Variants in PXDNL observed in about 807,000 individuals in gnomAD.
PXDNL encodes probable oxidoreductase PXDNL.
Under a neutral mutation model 150.8 loss-of-function variants are expected in PXDNL, and 145 were observed. The observed-to-expected ratio is 0.96, with a 90% confidence interval of 0.84 to 1.10. PXDNL has a LOEUF of 1.10. Among genes scored for constraint, PXDNL ranks in the 50% least tolerant of loss-of-function variants. PXDNL has a pLI of 0.00. For missense variants in PXDNL, 2,087 were observed against 1,873.9 expected (o/e 1.11, Z -2.10); for synonymous variants, 757 against 725.7 (o/e 1.04, Z -0.69).
chr8:51,639,892 C>T (rs984193661), intron 2 of PXDNL, among the ~76,000 whole-genome samples: 2 of 151,976 alleles, frequency 1.3e-5, no homozygotes, highest in African/African-American at 2.4e-5. Flanking sequence ...CAGGAAGAGA[C>T]GCAACCAAAA....
At chr8:51,424,039 A>G (rs898338803) in intron 13 of PXDNL, among the ~76,000 whole-genome samples, 2 of 152,226 alleles carry the variant, frequency 1.3e-5, no homozygotes, top group Non-Finnish European at 2.9e-5. Flanking sequence ...CAATTGATTC[A>G]TATATTGCTT....
intron 1 of PXDNL, among the ~76,000 whole-genome samples, chr8:51,692,809 C>T (rs1002581789): frequency 4.6e-5 from 7 of 152,198 alleles, no homozygotes; most frequent in Non-Finnish European, 1.5e-5. Context: ...TTTGCTTTAA[C>T]AAACAAGTAA....
intron 2 of PXDNL, among the ~76,000 whole-genome samples, chr8:51,645,909 T>C (rs1219574196): frequency 6.6e-6 from 1 of 152,000 alleles, no homozygotes; most frequent in African/African-American, 2.4e-5. Flanking sequence ...CATGCTCACC[T>C]TGAAGGTGAG....
At chr8:51,442,074 C>T (rs1489054343) in intron 12 of PXDNL, among the ~76,000 whole-genome samples, 2 of 151,970 alleles carry the variant, frequency 1.3e-5, no homozygotes, top group Non-Finnish European at 2.9e-5. Flanking sequence ...AGAACAAAAC[C>T]CATGTGACAT....
chr8:51,606,376 C>A (rs1280953580), intron 2 of PXDNL, among the ~76,000 whole-genome samples: 1 of 152,180 alleles, frequency 6.6e-6, no homozygotes, highest in Non-Finnish European at 1.5e-5. Context: ...AGCAGTGGAT[C>A]CTTCATGTTC....
chr8:51,761,064 G>A (rs1467508188), intron 1 of PXDNL, among the ~76,000 whole-genome samples: 1 of 142,136 alleles, frequency 7.0e-6, no homozygotes, highest in Admixed American at 7.2e-5. Context: ...TAGTAGAGAC[G>A]GGGTTTCACC....
intron 2 of PXDNL, among the ~76,000 whole-genome samples, chr8:51,610,640 C>T (rs1177761537): frequency 6.6e-6 from 1 of 152,178 alleles, no homozygotes; most frequent in Non-Finnish European, 1.5e-5. Flanking sequence ...AGGCATGGCT[C>T]TGTTGCATCC....
At chr8:51,603,818 G>A (rs1326080620) in intron 2 of PXDNL, among the ~76,000 whole-genome samples, 1 of 152,040 alleles carries the variant, frequency 6.6e-6, no homozygotes, top group East Asian at 1.9e-4. Context: ...TAGTCAGGTT[G>A]GAAGAGAAAA....
chr8:51,374,496 G>T, intron 18 of PXDNL, 101 bp downstream of exon 18: 1 of 1,147,738 alleles, frequency 8.7e-7, no homozygotes, highest in Non-Finnish European at 1.3e-6. Flanking sequence ...TACTCAATAT[G>T]CATTAAATCA....
At chr8:51,444,792 T>C (rs1402930978) in intron 12 of PXDNL, among the ~76,000 whole-genome samples, 1 of 152,218 alleles carries the variant, frequency 6.6e-6, no homozygotes, top group Non-Finnish European at 1.5e-5. Flanking sequence ...ACTGTGATCC[T>C]AGTTTATAGA....
chr8:51,680,655 G>A (rs987498092), intron 1 of PXDNL, among the ~76,000 whole-genome samples: 19 of 152,192 alleles, frequency 1.2e-4, no homozygotes, highest in Admixed American at 3.3e-4. Context: ...ATCTCACGGA[G>A]GTGCGAGGCC....
chr8:51,392,314 A>T (rs531400898), intron 17 of PXDNL, among the ~76,000 whole-genome samples: 1 of 152,276 alleles, frequency 6.6e-6, no homozygotes, highest in Admixed American at 6.5e-5. Context: ...CGTTGAATCT[A>T]TAAATTACCT....
At chr8:51,663,698 A>C (rs573133890) in intron 1 of PXDNL, among the ~76,000 whole-genome samples, 1 of 152,142 alleles carries the variant, frequency 6.6e-6, no homozygotes, top group East Asian at 1.9e-4. Flanking sequence ...CATCTGCTAC[A>C]TACCTGGTTC....
At chr8:51,377,143 C>CACACACACACACACAA (rs966278135) in intron 17 of PXDNL, among the ~76,000 whole-genome samples, 11 of 149,364 alleles carry the variant, frequency 7.4e-5, no homozygotes, top group African/African-American at 2.8e-4. Context: ...CACACACACA[C>CACACACACACACACAA]AAAGCCAAAG....
chr8:51,598,198 T>A (rs1325097078), intron 2 of PXDNL, among the ~76,000 whole-genome samples: 1 of 152,180 alleles, frequency 6.6e-6, no homozygotes, highest in Non-Finnish European at 1.5e-5. Context: ...TAGTTTGACT[T>A]TTTTTCCTAT....
At chr8:51,490,316 G>T (rs1440360574) in intron 5 of PXDNL, among the ~76,000 whole-genome samples, 1 of 152,062 alleles carries the variant, frequency 6.6e-6, no homozygotes, top group African/African-American at 2.4e-5. Context: ...CAATAATTTA[G>T]TTAAAATGAT....
At chr8:51,790,946 T>C (rs1043991811) in intron 1 of PXDNL, among the ~76,000 whole-genome samples, 16 of 151,752 alleles carry the variant, frequency 1.1e-4, no homozygotes, top group Non-Finnish European at 2.2e-4. Flanking sequence ...CCAGAATCTT[T>C]TAGAATTTAC....
intron 12 of PXDNL, among the ~76,000 whole-genome samples, chr8:51,440,861 G>C (rs1809528480): frequency 6.6e-6 from 1 of 152,172 alleles, no homozygotes; most frequent in Non-Finnish European, 1.5e-5. Context: ...ATGAGGTGCA[G>C]AGGGCCAGCA....
chr8:51,463,070 C>T (rs1455244088), intron 8 of PXDNL, among the ~76,000 whole-genome samples: 1 of 152,110 alleles, frequency 6.6e-6, no homozygotes, highest in East Asian at 1.9e-4. Context: ...TCTTCCCAGA[C>T]AAGCAAATGT....
Sources: gnomAD v4.1 joint callset for allele counts (sites outside exome capture counted in the v4.1 genomes callset) on GRCh38, gnomAD v4.1.1 for gene constraint, MANE v1.5 for transcripts, NCBI Gene and HGNC (gene_info 2026-07-23, HGNC 2026-07-21) for gene names.